TBC1D9: variants seen among roughly 807,000 people sequenced by gnomAD.
TBC1D9 encodes TBC1 domain family member 9A.
In TBC1D9, 63 loss-of-function variants were observed where a neutral mutation model predicts 132.0. The ratio of observed to expected loss-of-function variants is 0.48; its 90% CI spans 0.39 to 0.59. TBC1D9 has a LOEUF of 0.59. Among genes scored for constraint, TBC1D9 ranks in the 20% least tolerant of loss-of-function variants. The pLI is 0.00. For synonymous variants in TBC1D9, 610 were observed against 609.9 expected (o/e 1.00, Z 0.00); for missense variants, 1,261 against 1,592.7 (o/e 0.79, Z 3.54).
chr4:140,677,214 C>T lies in TBC1D9; in HGVS notation c.852-113G>A, dbSNP rs1737639368. 3.3e-6 allele frequency: 4 copies of T among 1,195,234 alleles called. No homozygotes were observed. The East Asian group carries it at 9.5e-5, about 28-fold the overall frequency. 74.0% of individuals were successfully genotyped at this position (1,195,234 alleles called of 1,614,324 possible). A position where few individuals can be genotyped will look rare whatever the true frequency, so the allele number is the denominator to read the frequency against. On this transcript the variant is annotated intron_variant, in intron 5 of 20. Coordinates refer to ENST00000442267, the MANE Select transcript of TBC1D9 (RefSeq NM_015130.3). Reference sequence around the variant, plus strand: ...TCCACCTCCTCAATCTTGCTAGACTCATCCCCCGCTTCTCAGCTTTCTTTA... The same window carrying T: ...TCCACCTCCTCAATCTTGCTAGACTTATCCCCCGCTTCTCAGCTTTCTTTA...
chr4:140,747,600 T>C (rs1738857706), intron 1 of TBC1D9, among the ~76,000 whole-genome samples: 1 of 152,158 alleles, frequency 6.6e-6, no homozygotes, highest in Non-Finnish European at 1.5e-5. Context: ...TTACCATACC[T>C]GAAAAAAAGA....
intron 2 of TBC1D9, among the ~76,000 whole-genome samples, chr4:140,691,190 A>G (rs1022855861): frequency 6.6e-6 from 1 of 152,178 alleles, no homozygotes; most frequent in African/African-American, 2.4e-5. Flanking sequence ...ATACTTCTGG[A>G]AGCAGGTGGC....
intron 2 of TBC1D9, among the ~76,000 whole-genome samples, chr4:140,692,887 G>A (rs554708532): frequency 5.9e-5 from 9 of 152,138 alleles, no homozygotes; most frequent in Admixed American, 1.3e-4. Flanking sequence ...GGGTGTGATG[G>A]TGTGTGCCTG....
chr4:140,696,596 G>C (rs17006358), intron 2 of TBC1D9, among the ~76,000 whole-genome samples: 6,252 of 151,704 alleles, frequency 0.041, 155 homozygotes, highest in Middle Eastern at 0.1. Flanking sequence ...GTGGCAGTAA[G>C]ATGGTCCAAA....
chr4:140,736,342 A>T (rs1210979078), intron 1 of TBC1D9, among the ~76,000 whole-genome samples: 2 of 151,946 alleles, frequency 1.3e-5, no homozygotes, highest in Non-Finnish European at 2.9e-5. Flanking sequence ...GGAGTTTGAG[A>T]CCAGCCTGGC....
Position 140,639,142 on chromosome 4 carries a change from C to T in TBC1D9, c.2449G>A (p.Val817Met), listed in dbSNP as rs1736923444. The change falls in exon 15 of 21, where the codon GTG (valine) becomes ATG (methionine). Residue 817 changes from valine (V) to methionine (M), a missense_variant. Physicochemically the swap from Val to Met is conservative, Grantham distance 21 (BLOSUM62 1). Transcript: ENST00000442267. The part of the protein sequence containing the change: ...TTKRNVVRTI[V>M]TETSFTIDEL... ...TCAATGGTAAAGGAAGTTTCTGTCA[C>T]AATGGTTCGTACCTATAAAAATATT... 2 of 1,583,158 alleles carry T rather than the reference C, an allele frequency of 1.3e-6. No homozygotes were observed. Among genetic ancestry groups the T allele is most frequent in the Admixed American group, 1.8e-5 (1 of 55,912 alleles).
intron 5 of TBC1D9, among the ~76,000 whole-genome samples, chr4:140,678,725 G>T (rs1737662098): frequency 6.6e-6 from 1 of 152,180 alleles, no homozygotes; most frequent in Non-Finnish European, 1.5e-5. Flanking sequence ...TGTGTTCACA[G>T]GACCAGAAGA....
intron 16 of TBC1D9, among the ~76,000 whole-genome samples, chr4:140,631,889 G>T (rs1308966850): frequency 6.6e-6 from 1 of 152,148 alleles, no homozygotes; most frequent in East Asian, 1.9e-4. Context: ...GAGCCACGGG[G>T]CCTGGCCCAT....
At chr4:140,637,528 G>A (rs554122094) in intron 15 of TBC1D9, among the ~76,000 whole-genome samples, 9 of 151,962 alleles carry the variant, frequency 5.9e-5, no homozygotes, top group Non-Finnish European at 1.0e-4. Context: ...CTTCCACTTC[G>A]TTTAGCTCCC....
At chr4:140,644,529 A>G (rs928545920) in intron 13 of TBC1D9, 5 of 295,710 alleles carry the variant, frequency 1.7e-5, no homozygotes, top group African/African-American at 9.4e-5. Context: ...ATCCCAGGGC[A>G]AGCGGTGGCC....
At position 140,639,343 on chromosome 4, in the gene TBC1D9, G is replaced by A. The variant is rs772261587; in HGVS notation, c.2423C>T (p.Thr808Met). The A allele has an allele frequency of 6.8e-6, 11 of 1,611,550 alleles. No individual in the cohort carries two copies. Among genetic ancestry groups the A allele is most frequent in the Admixed American group, 5.0e-5 (3 of 59,778 alleles). Residue 808 changes from threonine (T) to methionine (M), a missense_variant, in exon 14 of 21, where the codon ACG becomes ATG. Thr to Met is a moderately conservative substitution (Grantham distance 81). Transcript: ENST00000442267. Reference sequence around the variant, plus strand: ...TAAAGGACTTACCACGTTGCGTTTCGTAGTATCCTCCAGCGTCTGGATCAC... The same window carrying A: ...TAAAGGACTTACCACGTTGCGTTTCATAGTATCCTCCAGCGTCTGGATCAC... The part of the protein sequence containing the change: ...LKVIQTLEDT[T>M]KRNVVRTIVT...
chr4:140,703,560 C>T (rs563250938), intron 1 of TBC1D9, among the ~76,000 whole-genome samples: 1 of 152,150 alleles, frequency 6.6e-6, no homozygotes, highest in Admixed American at 6.5e-5. Flanking sequence ...TCATAACTGC[C>T]CTTGCCTTCC....
At chr4:140,641,912 C>T (rs1477942035) in intron 13 of TBC1D9, 1 of 417,652 alleles carries the variant, frequency 2.4e-6, no homozygotes, top group Admixed American at 3.9e-5. Flanking sequence ...CAGGCACTCT[C>T]TCGCTAGGAA....
intron 1 of TBC1D9, among the ~76,000 whole-genome samples, chr4:140,748,912 T>G (rs941613532): frequency 1.3e-5 from 2 of 152,016 alleles, no homozygotes; most frequent in African/African-American, 2.4e-5. Context: ...GAATACAGAC[T>G]TTAAAAATAG....
intron 1 of TBC1D9, among the ~76,000 whole-genome samples, chr4:140,718,308 T>C (rs922854094): frequency 6.6e-6 from 1 of 152,010 alleles, no homozygotes; most frequent in African/African-American, 2.4e-5. Flanking sequence ...ACAGGACATT[T>C]GCCTGATCTT....
At chr4:140,659,984 G>A (rs987844417) in intron 10 of TBC1D9, among the ~76,000 whole-genome samples, 8 of 152,156 alleles carry the variant, frequency 5.3e-5, no homozygotes, top group African/African-American at 1.4e-4. Flanking sequence ...ACAGAGCCCC[G>A]AACTCATGCT....
At chr4:140,667,330 T>C (rs1221473880) in intron 9 of TBC1D9, among the ~76,000 whole-genome samples, 1 of 152,180 alleles carries the variant, frequency 6.6e-6, no homozygotes, top group African/African-American at 2.4e-5. Flanking sequence ...CTGTGTACTA[T>C]TGTTGTATAC....
At chr4:140,684,365 T>C (rs545422769) in intron 3 of TBC1D9, among the ~76,000 whole-genome samples, 1 of 152,306 alleles carries the variant, frequency 6.6e-6, no homozygotes, top group Admixed American at 6.5e-5. Context: ...AAAAGTTAAT[T>C]AGGTCTCAAA....
At chr4:140,643,993 C>T in intron 13 of TBC1D9, 1 of 538,944 alleles carries the variant, frequency 1.9e-6, no homozygotes, top group South Asian at 1.8e-5. Context: ...TCCGGGTCCT[C>T]CCGCAGCGGC....
Sources: gnomAD v4.1 joint callset for allele counts (sites outside exome capture counted in the v4.1 genomes callset) on GRCh38, gnomAD v4.1.1 for gene constraint, MANE v1.5 for transcripts, NCBI Gene and HGNC (gene_info 2026-07-23, HGNC 2026-07-21) for gene names.